DLGAP1: variants seen among roughly 807,000 people sequenced by gnomAD.
DLGAP1 encodes DLG associated protein 1, also known as disks large-associated protein 1.
DLGAP1 carries 11 observed loss-of-function variants against 90.8 expected under a neutral mutation model. That is an observed-to-expected ratio of 0.12 (90% CI 0.08 to 0.20). The LOEUF is 0.20. Among genes scored for constraint, DLGAP1 ranks in the 10% least tolerant of loss-of-function variants. DLGAP1 has a pLI of 1.00. For missense variants in DLGAP1, 1,050 were observed against 1,333.8 expected (o/e 0.79, Z 3.31); for synonymous variants, 558 against 540.7 (o/e 1.03, Z -0.44).
intron 1 of DLGAP1, among the ~76,000 whole-genome samples, chr18:4,232,179 C>T (rs933156335): frequency 1.3e-5 from 2 of 152,024 alleles, no homozygotes; most frequent in African/African-American, 4.8e-5. Context: ...AGAATTCCCG[C>T]CATCCAACAA....
intron 5 of DLGAP1, among the ~76,000 whole-genome samples, chr18:3,782,682 C>A (rs1273781006): frequency 6.6e-6 from 1 of 152,222 alleles, no homozygotes; most frequent in Non-Finnish European, 1.5e-5. Flanking sequence ...ACCTTCAATG[C>A]ACAATTCCTC....
intron 3 of DLGAP1, chr18:3,983,283 G>T (rs1005131662): frequency 6.6e-6 from 1 of 152,122 alleles, no homozygotes. Context: ...ACTTAATTAT[G>T]CCAGGTACTT....
intron 4 of DLGAP1, among the ~76,000 whole-genome samples, chr18:3,833,130 A>ATTCATTCC (rs2068127110): frequency 9.3e-6 from 1 of 107,402 alleles, no homozygotes; most frequent in Non-Finnish European, 1.9e-5. Flanking sequence ...GAATTATAAG[A>ATTCATTCC]TTCCTTCCTT....
At chr18:4,041,051 A>C (rs1314577642) in intron 2 of DLGAP1, among the ~76,000 whole-genome samples, 1 of 152,340 alleles carries the variant, frequency 6.6e-6, no homozygotes, top group East Asian at 1.9e-4. Context: ...AGCAGGGTGA[A>C]GCAATAGCAG....
intron 3 of DLGAP1, among the ~76,000 whole-genome samples, chr18:3,886,196 C>T (rs940286763): frequency 6.6e-6 from 1 of 152,128 alleles, no homozygotes; most frequent in Admixed American, 6.5e-5. Flanking sequence ...AGAACAGGGG[C>T]ACTGTGTTCT....
At chr18:4,041,807 A>T (rs1442369) in intron 2 of DLGAP1, among the ~76,000 whole-genome samples, 65,794 of 152,052 alleles carry the variant, frequency 0.43, 14,587 homozygotes, top group Middle Eastern at 0.5. Context: ...TCTGTTAGGG[A>T]TTTAAACAAT....
intron 1 of DLGAP1, among the ~76,000 whole-genome samples, chr18:4,196,556 C>A (rs1598598658): frequency 6.6e-6 from 1 of 152,200 alleles, no homozygotes. Flanking sequence ...ATTAGCTGGA[C>A]AGAAAGATTT....
intron 5 of DLGAP1, among the ~76,000 whole-genome samples, chr18:3,751,883 C>CTTCTT (rs2063510430): frequency 8.9e-6 from 1 of 112,420 alleles, no homozygotes; most frequent in African/African-American, 3.3e-5. Flanking sequence ...TCTTCTTCTT[C>CTTCTT]TTTTTTTTTT....
chr18:3,980,663 T>C (rs1164398746), intron 3 of DLGAP1, among the ~76,000 whole-genome samples: 2 of 152,194 alleles, frequency 1.3e-5, no homozygotes, highest in Non-Finnish European at 2.9e-5. Context: ...CACTGTTCTC[T>C]CTCTAGGGTC....
chr18:4,386,311 T>G (rs1344774825), intron 1 of DLGAP1, among the ~76,000 whole-genome samples: 2 of 152,222 alleles, frequency 1.3e-5, no homozygotes, highest in Non-Finnish European at 2.9e-5. Context: ...CTCAGAATAG[T>G]ATTCCATTTC....
chr18:4,150,080 C>G (rs999523495), intron 2 of DLGAP1, among the ~76,000 whole-genome samples: 2 of 152,218 alleles, frequency 1.3e-5, no homozygotes, highest in South Asian at 2.1e-4. Flanking sequence ...CAGTGGTAGA[C>G]TTGCTAACCC....
At chr18:3,870,602 A>T (rs889618694) in intron 4 of DLGAP1, among the ~76,000 whole-genome samples, 3 of 146,690 alleles carry the variant, frequency 2.0e-5, no homozygotes, top group African/African-American at 7.7e-5. Flanking sequence ...TTATACATAA[A>T]TACATCTATC....
chr18:4,011,448 G>A (rs1359422247), intron 2 of DLGAP1, among the ~76,000 whole-genome samples: 1 of 152,022 alleles, frequency 6.6e-6, no homozygotes, highest in Non-Finnish European at 1.5e-5. Flanking sequence ...GTACCTACAG[G>A]GGCAGCAATA....
intron 1 of DLGAP1, among the ~76,000 whole-genome samples, chr18:4,346,418 G>T (rs879884634): frequency 2.0e-5 from 3 of 152,122 alleles, no homozygotes; most frequent in Non-Finnish European, 4.4e-5. Flanking sequence ...GCTCAATAAA[G>T]AGTAGTTATT....
At position 4,053,929 on chromosome 18, in the gene DLGAP1, G is replaced by C. The variant is rs562837800; in HGVS notation, c.-158-48728C>G. On this transcript the variant is annotated intron_variant, in intron 2 of 12. Coordinates refer to ENST00000315677, the MANE Select transcript of DLGAP1 (RefSeq NM_004746.4). Reference sequence around the variant, plus strand: ...CTGTTCATGCAGATAAACCTTAACAGTTATTTTATAGTTTCTTGAATACTT... The same window carrying C: ...CTGTTCATGCAGATAAACCTTAACACTTATTTTATAGTTTCTTGAATACTT... 2.6e-5 allele frequency among the ~76,000 whole-genome samples: 4 copies of C among 152,272 alleles called. No homozygotes were observed. In the South Asian group the frequency reaches 8.3e-4, roughly 32 times the overall value.
intron 9 of DLGAP1, among the ~76,000 whole-genome samples, chr18:3,557,044 G>C (rs1463451762): frequency 6.6e-6 from 1 of 152,018 alleles, no homozygotes; most frequent in Non-Finnish European, 1.5e-5. Flanking sequence ...CATGATTTCT[G>C]TTATAATTTT....
chr18:3,999,137 T>G (rs763516845), intron 3 of DLGAP1, among the ~76,000 whole-genome samples: 1 of 152,114 alleles, frequency 6.6e-6, no homozygotes, highest in Non-Finnish European at 1.5e-5. Context: ...TTAAATGCTG[T>G]GATTTATATG....
intron 2 of DLGAP1, among the ~76,000 whole-genome samples, chr18:4,028,078 A>G (rs1245025543): frequency 6.6e-6 from 1 of 152,226 alleles, no homozygotes; most frequent in African/African-American, 2.4e-5. Flanking sequence ...AGTGCTACCA[A>G]GTAGAAAAAT....
chr18:3,811,566 G>A (rs920109272), intron 5 of DLGAP1, among the ~76,000 whole-genome samples: 2 of 152,192 alleles, frequency 1.3e-5, no homozygotes, highest in Admixed American at 6.5e-5. Flanking sequence ...TTCTGTAAGT[G>A]GGGAGGGATG....
Sources: allele counts gnomAD v4.1 joint callset (sites outside exome capture counted in the v4.1 genomes callset), GRCh38; gene constraint gnomAD v4.1.1; transcripts MANE v1.5; gene names NCBI Gene and HGNC (gene_info 2026-07-23, HGNC 2026-07-21).